Variants in PHACTR2 observed in about 807,000 individuals in gnomAD.
PHACTR2 encodes phosphatase and actin regulator 2, also known as chromosome 6 open reading frame 56.
In PHACTR2, 30 loss-of-function variants were observed where a neutral mutation model predicts 76.0. The observed-to-expected ratio is 0.39, with a 90% CI of 0.30 to 0.54. The LOEUF is 0.54. Ranked by LOEUF, PHACTR2 falls within the 20% of genes least tolerant of loss-of-function variation. The pLI is 0.61. For synonymous variants in PHACTR2, 292 were observed against 292.5 expected (o/e 1.00, Z 0.02); for missense variants, 696 against 781.1 (o/e 0.89, Z 1.30).
At position 143,722,400 on chromosome 6, in the gene PHACTR2, G is replaced by A. The variant is rs1417410268; in HGVS notation, c.214+10217G>A. Among the ~76,000 whole-genome samples the A allele has an allele frequency of 6.6e-6, 1 of 151,582 alleles. No individual in the cohort carries two copies. Among genetic ancestry groups the A allele is most frequent in the East Asian group, 1.9e-4 (1 of 5,178 alleles). On this transcript the variant is annotated intron_variant, in intron 2 of 12. Coordinates refer to ENST00000440869, the MANE Select transcript of PHACTR2 (RefSeq NM_001100164.2). The surrounding 1 kb of genome is among the most constrained non-coding windows in gnomAD (Gnocchi z 4.1). ...TTTTGTGGGTGTTTTCTTCTCTCTT[G>A]AATTCAACTTTAAGATTCTCTTCAA...
intron 11 of PHACTR2, among the ~76,000 whole-genome samples, chr6:143,790,185 C>T (rs1206443281): frequency 2.6e-5 from 4 of 152,050 alleles, no homozygotes; most frequent in South Asian, 2.1e-4. Context: ...AGTTGTTCAA[C>T]GTATGGCTGG....
rs1426797865 is a variant in PHACTR2 at position 143,764,125 on chromosome 6, G to T, written c.695-1136G>T. Among the ~76,000 whole-genome samples the T allele has an allele frequency of 6.6e-6, 1 of 152,202 alleles. No individual in the cohort carries two copies. Among genetic ancestry groups the T allele is most frequent in the East Asian group, 1.9e-4 (1 of 5,200 alleles). ...TATACCATAGCTATCCTTCGATGAA[G>T]ACCTTCTTGGAACTTAAGCATTAAG... On this transcript the variant is annotated intron_variant, in intron 5 of 12. Coordinates refer to ENST00000440869, the MANE Select transcript of PHACTR2 (RefSeq NM_001100164.2). The surrounding 1 kb of genome is among the most constrained non-coding windows in gnomAD (Gnocchi z 4.7).
rs928664650 is a variant in PHACTR2 at position 143,598,298 on chromosome 6, G to A, written c.217+61091G>A. On this transcript the variant is annotated intron_variant, in intron 1 of 11. Transcript: ENST00000367584. This position sits in a 1 kb window ranked among gnomAD's most constrained non-coding sequence, Gnocchi z 4.1. ...GAAGGTTAAAAGAGGAGAAGGCAAT[G>A]TGACAATGAAGACAAATTTTGGAGC... Among the ~76,000 whole-genome samples, 1 of 152,128 alleles carries A rather than the reference G, an allele frequency of 6.6e-6. No individual in the cohort carries two copies. Among genetic ancestry groups the A allele is most frequent in the African/African-American group, 2.4e-5 (1 of 41,412 alleles).
intron 1 of PHACTR2, among the ~76,000 whole-genome samples, chr6:143,560,377 T>C (rs1341968752): frequency 6.6e-6 from 1 of 152,202 alleles, no homozygotes; most frequent in African/African-American, 2.4e-5. Context: ...TTTAAATTAG[T>C]CTAATTCATC....
rs9496709 is a variant in PHACTR2 at position 143,617,876 on chromosome 6, G to A, written c.13+9554G>A. Among the ~76,000 whole-genome samples, 2,019 of 152,296 alleles carry A rather than the reference G, an allele frequency of 0.013. 53 individuals are homozygous for A. Among genetic ancestry groups the A allele is most frequent in the African/African-American group, 0.046 (1,909 of 41,542 alleles). ...AGACTGGATCAAAGAAGGTGGTTAC[G>A]GAGAGACTTAGTCACCTACTTCCTA... On this transcript the variant is annotated intron_variant, in intron 1 of 11. Coordinates refer to the PHACTR2 transcript ENST00000305766. The surrounding 1 kb of genome is among the most constrained non-coding windows in gnomAD (Gnocchi z 4.8).
chr6:143,622,435 C>T (rs1776171413), intron 1 of PHACTR2, among the ~76,000 whole-genome samples: 1 of 152,172 alleles, frequency 6.6e-6, no homozygotes, highest in African/African-American at 2.4e-5. Flanking sequence ...CAGGAAACTG[C>T]TCAAGGGCAA....
Position 143,784,970 on chromosome 6 carries a change from G to T in PHACTR2, c.1707+1690G>T, listed in dbSNP as rs944212409. On this transcript the variant is annotated intron_variant, in intron 10 of 12. Transcript: ENST00000440869. The surrounding 1 kb of genome is among the most constrained non-coding windows in gnomAD (Gnocchi z 4.5). The stretch of plus-strand genomic sequence containing the variant: ...GAGATACAATTCAAGTTGAGATTTG[G>T]GTGGGGACACAGCCAAACCATATCA... Among the ~76,000 whole-genome samples the T allele has an allele frequency of 6.6e-6, 1 of 152,100 alleles. No homozygotes were observed. The highest frequency in any genetic ancestry group is 1.5e-5 in the Non-Finnish European group (1 of 68,018).
chr6:143,667,305 G>A (rs1460942414), intron 1 of PHACTR2, among the ~76,000 whole-genome samples: 1 of 152,198 alleles, frequency 6.6e-6, no homozygotes. Context: ...TTGAAGTCAG[G>A]TAGTGTGATG....
At position 143,592,903 on chromosome 6, in the gene PHACTR2, C is replaced by A. The variant is rs956815949; in HGVS notation, c.217+55696C>A. Among the ~76,000 whole-genome samples, 1 of 151,764 alleles carries A rather than the reference C, an allele frequency of 6.6e-6. No homozygotes were observed. Among genetic ancestry groups the A allele is most frequent in the African/African-American group, 2.4e-5 (1 of 41,274 alleles). On this transcript the variant is annotated intron_variant, in intron 1 of 11. Transcript: ENST00000367584. This position sits in a 1 kb window ranked among gnomAD's most constrained non-coding sequence, Gnocchi z 4.0. ...CTCTACAAAAAATAAAAAAAAATAGCCGGACATGGTGACACACATCCCAGC... is the reference window on the plus strand; with the variant it reads ...CTCTACAAAAAATAAAAAAAAATAGACGGACATGGTGACACACATCCCAGC...
At position 143,608,367 on chromosome 6, in the gene PHACTR2, T is replaced by C; in HGVS notation, c.13+45T>C. 1 of 1,601,806 alleles carries C rather than the reference T, an allele frequency of 6.2e-7. No individual in the cohort carries two copies. Among genetic ancestry groups the C allele is most frequent in the Non-Finnish European group, 8.6e-7 (1 of 1,168,916 alleles). The stretch of plus-strand genomic sequence containing the variant: ...ATTCTTCATAGCTGCTGGCTTCCTT[T>C]GCAGCCCGCATCCTTTACTGCGGAA... On this transcript the variant is annotated intron_variant, in intron 1 of 11. Coordinates refer to the PHACTR2 transcript ENST00000305766. This position sits in a 1 kb window ranked among gnomAD's most constrained non-coding sequence, Gnocchi z 4.6.
rs766676109 is a variant in PHACTR2, at chr6:143,765,231, A to AT, written c.695-24dup. On this transcript the variant is annotated intron_variant, in intron 5 of 12. Transcript: ENST00000440869. This position sits in a 1 kb window ranked among gnomAD's most constrained non-coding sequence, Gnocchi z 4.1. ...ATTTTAAAAAGCATTGTATTCTTTG[A>AT]TTTTTTAATGCAAGGTCTCTCTATT... 3.9e-6 allele frequency: 6 copies of AT among 1,549,400 alleles called. No homozygotes were observed. The African/African-American group carries it at 4.2e-5, about 11-fold the overall frequency.
rs1362469840 is a variant in PHACTR2, at chr6:143,639,357, A to G, written c.13+31035A>G. Among the ~76,000 whole-genome samples the G allele has an allele frequency of 2.6e-5, 4 of 152,242 alleles. No individual in the cohort carries two copies. The highest frequency in any genetic ancestry group is 4.8e-5 in the African/African-American group (2 of 41,472). On this transcript the variant is annotated intron_variant, in intron 1 of 11. Transcript: ENST00000305766. This position sits in a 1 kb window ranked among gnomAD's most constrained non-coding sequence, Gnocchi z 5.0. ...TAAATCACGTTGGGAGTTAGTGTTT[A>G]TGCCATCAAGGCTATCATTGCTCAA...
rs1562254338 is a variant in PHACTR2, at chr6:143,633,520, A to G, written c.13+25198A>G. Among the ~76,000 whole-genome samples, 1 of 152,162 alleles carries G rather than the reference A, an allele frequency of 6.6e-6. No individual in the cohort carries two copies. Among genetic ancestry groups the G allele is most frequent in the Non-Finnish European group, 1.5e-5 (1 of 68,044 alleles). ...TTCATTCCCTTATTGTTGTGCTTGA[A>G]GAGTTTATATTTTGGGTAACCATCA... On this transcript the variant is annotated intron_variant, in intron 1 of 11. Transcript: ENST00000305766. This position sits in a 1 kb window ranked among gnomAD's most constrained non-coding sequence, Gnocchi z 4.1.
intron 11 of PHACTR2, among the ~76,000 whole-genome samples, chr6:143,790,549 C>T (rs951671470): frequency 6.6e-6 from 1 of 152,152 alleles, no homozygotes; most frequent in African/African-American, 2.4e-5. Context: ...GCCTATTGGG[C>T]ATTTGGATAC....
intron 1 of PHACTR2, among the ~76,000 whole-genome samples, chr6:143,681,909 G>A (rs1167858948): frequency 6.6e-6 from 1 of 152,194 alleles, no homozygotes; most frequent in Non-Finnish European, 1.5e-5. Flanking sequence ...TTTACTTCTG[G>A]ATTCTCAATT....
rs184711002 is a variant in PHACTR2, at chr6:143,619,015, G to A, written c.13+10693G>A. On this transcript the variant is annotated intron_variant, in intron 1 of 11. Coordinates refer to the PHACTR2 transcript ENST00000305766. This position sits in a 1 kb window ranked among gnomAD's most constrained non-coding sequence, Gnocchi z 4.5. The stretch of plus-strand genomic sequence containing the variant: ...AAGCCTGAGCTGTGTCTTTTATTGT[G>A]TGCTACTACTTATATAGAAACTCTG... Among the ~76,000 whole-genome samples the A allele has an allele frequency of 9.2e-5, 14 of 152,210 alleles. No individual in the cohort carries two copies. The East Asian group carries it at 2.5e-3, about 27-fold the overall frequency.
chr6:143,811,121 G>A lies in PHACTR2; in HGVS notation c.1922+3988G>A, dbSNP rs532182959. Among the ~76,000 whole-genome samples, 8 of 152,280 alleles carry A rather than the reference G, an allele frequency of 5.3e-5. No homozygotes were observed. In the South Asian group the frequency reaches 1.7e-3, roughly 32 times the overall value. Reference sequence around the variant, plus strand: ...CCTGTTATCTATGCTTTGGAGAGGTGCATTTATTTGTGTGTATGATTCAGA... The same window carrying A: ...CCTGTTATCTATGCTTTGGAGAGGTACATTTATTTGTGTGTATGATTCAGA... On this transcript the variant is annotated intron_variant, in intron 12 of 12. Transcript: ENST00000440869. The surrounding 1 kb of genome is among the most constrained non-coding windows in gnomAD (Gnocchi z 4.1).
Position 143,672,636 on chromosome 6 carries a change from T to C in PHACTR2, c.14-39380T>C, listed in dbSNP as rs1777175212. On this transcript the variant is annotated intron_variant, in intron 1 of 11. Coordinates refer to the PHACTR2 transcript ENST00000305766. This position sits in a 1 kb window ranked among gnomAD's most constrained non-coding sequence, Gnocchi z 5.8. ...TGGCAAAAATGTGGATTTAGTAATTTGCTAAAGTTCAGAGCCTTCTCTGTA... is the reference window on the plus strand; with the variant it reads ...TGGCAAAAATGTGGATTTAGTAATTCGCTAAAGTTCAGAGCCTTCTCTGTA... Among the ~76,000 whole-genome samples the C allele has an allele frequency of 6.6e-6, 1 of 152,212 alleles. No homozygotes were observed. Among genetic ancestry groups the C allele is most frequent in the African/African-American group, 2.4e-5 (1 of 41,450 alleles).
chr6:143,724,272 C>T (rs1245485696), intron 2 of PHACTR2, among the ~76,000 whole-genome samples: 1 of 152,104 alleles, frequency 6.6e-6, no homozygotes, highest in Non-Finnish European at 1.5e-5. Flanking sequence ...GGTGGGACCA[C>T]AGGTTCCCGC....
Sources: allele counts gnomAD v4.1 joint callset (sites outside exome capture counted in the v4.1 genomes callset), GRCh38; gene constraint gnomAD v4.1.1; non-coding constraint Gnocchi (gnomAD v3.1); transcripts MANE v1.5; gene names NCBI Gene and HGNC (gene_info 2026-07-23, HGNC 2026-07-21).